The following PDE4D variants were observed in gnomAD, a reference collection of about 807,000 sequenced individuals.
The protein encoded by PDE4D is 3',5'-cyclic-AMP phosphodiesterase 4D.
Under a neutral mutation model 87.4 loss-of-function variants are expected in PDE4D, and 24 were observed. That is an observed-to-expected ratio of 0.27 (90% CI 0.20 to 0.39). PDE4D has a LOEUF of 0.39. Among genes scored for constraint, PDE4D ranks in the 10% least tolerant of loss-of-function variants. PDE4D has a pLI of 1.00. For missense variants in PDE4D, 714 were observed against 1,041.0 expected, an observed-to-expected ratio of 0.69 and a Z score of 4.32; for synonymous variants, 384 against 383.2, an observed-to-expected ratio of 1.00 and a Z score of -0.02.
intron 1 of PDE4D, among the ~76,000 whole-genome samples, chr5:59,839,068 T>C (rs1742580019): frequency 6.6e-6 from 1 of 151,980 alleles, no homozygotes; most frequent in South Asian, 2.1e-4. Flanking sequence ...GGATCCCTGC[T>C]GCCTGCATGA....
chr5:59,579,745 T>G lies in PDE4D; in HGVS notation c.455+313423A>C, dbSNP rs114797810. 3.5e-3 allele frequency among the ~76,000 whole-genome samples: 533 copies of G among 152,314 alleles called. 3 individuals carry two copies. The highest frequency in any genetic ancestry group is 0.012 in the African/African-American group (496 of 41,570). On this transcript the variant is annotated intron_variant, in intron 1 of 14. Transcript: ENST00000340635. ...TGTACCCAGTGGGAAGAGTGACTTT[T>G]GCTTTGAACAGAGGCTCTGTCCATT... is the stretch of plus-strand genomic sequence containing the variant.
At chr5:59,550,415 T>C (rs1444747211) in intron 1 of PDE4D, among the ~76,000 whole-genome samples, 1 of 152,202 alleles carries the variant, frequency 6.6e-6, no homozygotes, top group Non-Finnish European at 1.5e-5. Flanking sequence ...TGTTGGTTCA[T>C]AGTGTGACTT....
At position 60,193,689 on chromosome 5, in the gene PDE4D, A is replaced by G. The variant is rs554155376; in HGVS notation, c.-89-8002T>C. The stretch of plus-strand genomic sequence containing the variant: ...CGTCTCAAAAAAAAAAAAAAAAAAA[A>G]AAAGAAAGAAAAAGAAAAAAAGAAA... On this transcript the variant is annotated intron_variant, in intron 1 of 16. Transcript: ENST00000502484. 3.5e-3 allele frequency among the ~76,000 whole-genome samples: 519 copies of G among 146,856 alleles called. 1 individual carries two copies. The highest frequency in any genetic ancestry group is 0.017 in the Middle Eastern group (5 of 286).
intron 5 of PDE4D, among the ~76,000 whole-genome samples, chr5:59,168,709 A>AG (rs1277353261): frequency 6.6e-6 from 1 of 152,022 alleles, no homozygotes; most frequent in Admixed American, 6.6e-5. Flanking sequence ...AAGGAGAGAG[A>AG]AAAAAAAGAA....
chr5:59,811,667 C>T (rs1768365433), intron 1 of PDE4D, among the ~76,000 whole-genome samples: 1 of 152,160 alleles, frequency 6.6e-6, no homozygotes, highest in Non-Finnish European at 1.5e-5. Flanking sequence ...TCCTGTCCAG[C>T]TGCATGAAGC....
chr5:59,497,620 C>A (rs1453932473), intron 1 of PDE4D, among the ~76,000 whole-genome samples: 2 of 151,800 alleles, frequency 1.3e-5, no homozygotes, highest in Admixed American at 1.3e-4. Context: ...TCTGAATCAA[C>A]CCAGGCAGGC....
At chr5:59,811,292 T>C (rs747345480) in intron 1 of PDE4D, among the ~76,000 whole-genome samples, 10 of 152,234 alleles carry the variant, frequency 6.6e-5, no homozygotes, top group Non-Finnish European at 1.3e-4. Context: ...TCTTTTCAAC[T>C]TTCCACTCTA....
intron 1 of PDE4D, among the ~76,000 whole-genome samples, chr5:60,257,384 C>G (rs1749203252): frequency 6.6e-6 from 1 of 151,780 alleles, no homozygotes; most frequent in Non-Finnish European, 1.5e-5. Flanking sequence ...ATTTTCTTTG[C>G]TATAGGACAA....
chr5:59,314,425 G>C (rs1215536096), intron 1 of PDE4D: 1 of 152,110 alleles, frequency 6.6e-6, no homozygotes. Flanking sequence ...AGAGGATTCA[G>C]TTATCATAAA....
At chr5:60,082,821 C>A (rs990883194) in intron 2 of PDE4D, among the ~76,000 whole-genome samples, 2 of 152,150 alleles carry the variant, frequency 1.3e-5, no homozygotes, top group Non-Finnish European at 2.9e-5. Flanking sequence ...CCATGCTGGC[C>A]TCCCATCAGT....
chr5:59,670,829 G>T (rs564145201), intron 1 of PDE4D, among the ~76,000 whole-genome samples: 1 of 152,026 alleles, frequency 6.6e-6, no homozygotes, highest in African/African-American at 2.4e-5. Flanking sequence ...ATTCTCATGA[G>T]AGTTTTTACT....
chr5:59,037,717 C>T (rs930662177), intron 6 of PDE4D, among the ~76,000 whole-genome samples: 6 of 152,206 alleles, frequency 3.9e-5, no homozygotes, highest in African/African-American at 1.4e-4. Context: ...CAACTTTTCA[C>T]TTGACAATGC....
At chr5:59,478,632 C>T (rs1460452875) in intron 1 of PDE4D, among the ~76,000 whole-genome samples, 1 of 152,080 alleles carries the variant, frequency 6.6e-6, no homozygotes, top group Non-Finnish European at 1.5e-5. Context: ...TCATCAATTA[C>T]ATACCACAGA....
At chr5:59,336,485 G>T (rs1329341283) in intron 1 of PDE4D, among the ~76,000 whole-genome samples, 1 of 152,200 alleles carries the variant, frequency 6.6e-6, no homozygotes, top group Non-Finnish European at 1.5e-5. Context: ...GGTTGTTGTT[G>T]TTAGAAGCAG....
intron 1 of PDE4D, among the ~76,000 whole-genome samples, chr5:60,457,067 A>G (rs1009570996): frequency 2.6e-5 from 4 of 152,212 alleles, no homozygotes; most frequent in Admixed American, 6.5e-5. Flanking sequence ...GGAGGCACAC[A>G]AGCTCCTTGG....
intron 1 of PDE4D, among the ~76,000 whole-genome samples, chr5:59,784,919 T>C (rs1165988706): frequency 6.6e-6 from 1 of 152,166 alleles, no homozygotes; most frequent in Admixed American, 6.5e-5. Context: ...TTTTCTCTCA[T>C]TTTCTCTCAT....
chr5:59,668,803 G>A (rs1012507464), intron 1 of PDE4D, among the ~76,000 whole-genome samples: 3 of 112,896 alleles, frequency 2.7e-5, no homozygotes, highest in East Asian at 2.4e-4. Context: ...AGAAGAAGAA[G>A]AAAGAAGAAG....
At chr5:60,002,732 A>G (rs947565204) in intron 2 of PDE4D, among the ~76,000 whole-genome samples, 1 of 152,212 alleles carries the variant, frequency 6.6e-6, no homozygotes, top group Non-Finnish European at 1.5e-5. Flanking sequence ...ACATCCTTTC[A>G]TGACAAAAAC....
intron 1 of PDE4D, among the ~76,000 whole-genome samples, chr5:59,478,255 T>C (rs1008345391): frequency 2.0e-5 from 3 of 152,120 alleles, no homozygotes; most frequent in African/African-American, 7.2e-5. Context: ...TACCATCATA[T>C]GGGAATATTT....
Sources: gnomAD v4.1 joint callset for allele counts (sites outside exome capture counted in the v4.1 genomes callset) on GRCh38, gnomAD v4.1.1 for gene constraint, MANE v1.5 for transcripts, NCBI Gene and HGNC (gene_info 2026-07-23, HGNC 2026-07-21) for gene names.